Variants in PRKRIP1 observed in about 807,000 individuals in gnomAD.
PRKRIP1 encodes the protein PRKR interacting protein 1.
A neutral mutation model predicts 29.3 loss-of-function variants in PRKRIP1; 29 were observed. That is an observed-to-expected ratio of 0.99 (90% confidence interval 0.74 to 1.35). PRKRIP1 has a LOEUF of 1.35. Ranked by LOEUF, PRKRIP1 falls within the 40% of genes most tolerant of loss-of-function variation. The pLI is 0.00. For missense variants in PRKRIP1, 247 were observed against 236.8 expected (o/e 1.04, Z -0.28); for synonymous variants, 90 against 85.1 (o/e 1.06, Z -0.32).
rs1395892019 is a variant in PRKRIP1 at position 102,407,216 on chromosome 7, CAAA to C, written c.393-206_393-204del. Among the ~76,000 whole-genome samples, 5 of 105,138 alleles carry C rather than the reference CAAA, an allele frequency of 4.8e-5. No homozygotes were observed. In the Admixed American group the frequency reaches 5.2e-4, roughly 11 times the overall value. 69.0% of individuals were successfully genotyped at this position (105,138 alleles called of 152,430 possible). ...GGTGACAGAGTGAGAGAATCCGTCTCAAAAAAAAAAAAAAGAAGATATTCCAGT... is the reference window on the plus strand; with the variant it reads ...GGTGACAGAGTGAGAGAATCCGTCTCAAAAAAAAAAAGAAGATATTCCAGT... On this transcript the variant is annotated intron_variant, in intron 4 of 5. Transcript: ENST00000397912.
chr7:102,420,861 G>A lies in PRKRIP1; in HGVS notation c.458-4153G>A, dbSNP rs191971551. Among the ~76,000 whole-genome samples, 216 of 152,254 alleles carry A rather than the reference G, an allele frequency of 1.4e-3. 1 individual carries two copies. The highest frequency in any genetic ancestry group is 3.4e-3 in the Middle Eastern group (1 of 294). Reference sequence around the variant, plus strand: ...AGATACACAACACGGATTATTCAGTGTCTCCCAGGGACAGAAGACCCTCCC... The same window carrying A: ...AGATACACAACACGGATTATTCAGTATCTCCCAGGGACAGAAGACCCTCCC... On this transcript the variant is annotated intron_variant, in intron 5 of 5. Transcript: ENST00000397912.
chr7:102,419,736 A>G (rs1381665909), intron 5 of PRKRIP1, among the ~76,000 whole-genome samples: 1 of 152,146 alleles, frequency 6.6e-6, no homozygotes, highest in African/African-American at 2.4e-5. Flanking sequence ...TTCCACCGTC[A>G]AGATAGACCA....
Position 102,396,509 on chromosome 7 carries a change from T to A in PRKRIP1, c.98T>A (p.Leu33His). 6.2e-7 allele frequency: 1 copy of A among 1,608,718 alleles called. No individual in the cohort carries two copies. Among genetic ancestry groups the A allele is most frequent in the Non-Finnish European group, 8.5e-7 (1 of 1,178,650 alleles). ...IPKNAAEEQKLKLERLMKNPD... is the reference protein window; with the variant it reads ...IPKNAAEEQKHKLERLMKNPD... The stretch of plus-strand genomic sequence containing the variant: ...AAGAATGCGGCGGAGGAGCAGAAGC[T>A]CAAGCTGGAGCGGCTCATGAAGAAC... The change falls in exon 1 of 6, where the codon CTC becomes CAC. Residue 33 changes from leucine to histidine, a missense_variant. Coordinates refer to ENST00000397912, the MANE Select transcript of PRKRIP1 (RefSeq NM_024653.4).
chr7:102,417,732 C>T (rs12534945), intron 5 of PRKRIP1, among the ~76,000 whole-genome samples: 33,045 of 151,320 alleles, frequency 0.22, 3,691 homozygotes, highest in Middle Eastern at 0.34. Flanking sequence ...ATCCTCTCGC[C>T]TCAGCTTCCT....
rs140075395 is a variant in PRKRIP1 at position 102,404,053 on chromosome 7, G to A, written c.307-545G>A. Among the ~76,000 whole-genome samples, 5 of 152,282 alleles carry A rather than the reference G, an allele frequency of 3.3e-5. No individual in the cohort carries two copies. The East Asian group carries it at 9.6e-4, about 29-fold the overall frequency. On this transcript the variant is annotated intron_variant, in intron 3 of 5. Coordinates refer to ENST00000397912, the MANE Select transcript of PRKRIP1 (RefSeq NM_024653.4). ...TAATGGCATGCACCCATAGTCCCAA[G>A]TACTCAGGAGACTGAGACAGGACGA...
At chr7:102,402,946 C>T (rs190363155) in intron 3 of PRKRIP1, among the ~76,000 whole-genome samples, 294 of 151,938 alleles carry the variant, frequency 1.9e-3, no homozygotes, top group Middle Eastern at 3.4e-3. Flanking sequence ...GTAATCTTGG[C>T]TTGCTGCAGC....
chr7:102,404,465 C>A, intron 3 of PRKRIP1, 133 bp from the exon 4 acceptor site: 1 of 697,736 alleles, frequency 1.4e-6, no homozygotes, highest in Non-Finnish European at 2.6e-6. Flanking sequence ...GTTAAAATGG[C>A]CCTGGGGACC....
chr7:102,402,005 C>T (rs1796086665), intron 3 of PRKRIP1, among the ~76,000 whole-genome samples: 1 of 152,160 alleles, frequency 6.6e-6, no homozygotes, highest in Admixed American at 6.6e-5. Context: ...TTCCTGGCCC[C>T]TGGGTGTTGG....
chr7:102,411,842 ACTAT>A (rs1796392954), intron 5 of PRKRIP1, among the ~76,000 whole-genome samples: 2 of 151,794 alleles, frequency 1.3e-5, no homozygotes, highest in African/African-American at 2.4e-5. Context: ...TTTTTAGGTA[ACTAT>A]CCTAATGGGT....
chr7:102,396,624 C>T (rs763800106), intron 1 of PRKRIP1, 87 bp downstream of exon 1: 287 of 1,424,134 alleles, frequency 2.0e-4, no homozygotes, highest in Non-Finnish European at 2.6e-4. Flanking sequence ...TCCACCTTCC[C>T]CGCCTCCAAA....
intron 5 of PRKRIP1, among the ~76,000 whole-genome samples, chr7:102,423,880 T>C (rs1164391320): frequency 1.3e-5 from 2 of 152,142 alleles, no homozygotes; most frequent in African/African-American, 4.8e-5. Context: ...CAGGCTTGTC[T>C]TGAACTCCTG....
At chr7:102,418,760 A>G in intron 5 of PRKRIP1, among the ~76,000 whole-genome samples, 1 of 152,176 alleles carries the variant, frequency 6.6e-6, no homozygotes, top group East Asian at 1.9e-4. Context: ...AAGCACCATT[A>G]TCAACTAGAG....
At chr7:102,401,923 G>T (rs1796084979) in intron 3 of PRKRIP1, among the ~76,000 whole-genome samples, 1 of 152,088 alleles carries the variant, frequency 6.6e-6, no homozygotes, top group South Asian at 2.1e-4. Context: ...AAGAAAAAAT[G>T]TCCTGCTCTG....
intron 5 of PRKRIP1, among the ~76,000 whole-genome samples, chr7:102,417,620 C>CTTTT (rs1276644958): frequency 6.3e-5 from 8 of 127,394 alleles, no homozygotes; most frequent in African/African-American, 1.5e-4. Flanking sequence ...TTGTGGGTAC[C>CTTTT]TTTTTTTTTT....
intron 5 of PRKRIP1, among the ~76,000 whole-genome samples, chr7:102,416,115 C>T (rs951990152): frequency 6.6e-6 from 1 of 152,254 alleles, no homozygotes; most frequent in Non-Finnish European, 1.5e-5. Context: ...GCCTTTCCTG[C>T]CAGCCTGCCC....
intron 5 of PRKRIP1, among the ~76,000 whole-genome samples, chr7:102,411,750 C>T (rs150643750): frequency 6.6e-6 from 1 of 151,630 alleles, no homozygotes; most frequent in African/African-American, 2.4e-5. Context: ...CATTTTAACG[C>T]CCACCAGTGC....
At chr7:102,401,769 G>T (rs1237057643) in intron 3 of PRKRIP1, among the ~76,000 whole-genome samples, 1 of 152,034 alleles carries the variant, frequency 6.6e-6, no homozygotes, top group African/African-American at 2.4e-5. Flanking sequence ...CAGGCGCAGT[G>T]GTGCACACCT....
intron 3 of PRKRIP1, among the ~76,000 whole-genome samples, chr7:102,403,665 T>C (rs573058759): frequency 4.1e-4 from 63 of 152,306 alleles, no homozygotes; most frequent in African/African-American, 1.5e-3. Context: ...GCATGAGCCA[T>C]TGTGCCCAAA....
intron 5 of PRKRIP1, among the ~76,000 whole-genome samples, chr7:102,419,473 T>C (rs1796634746): frequency 6.6e-6 from 1 of 152,186 alleles, no homozygotes; most frequent in African/African-American, 2.4e-5. Context: ...GTGGATTTTG[T>C]CAAACGCATA....
Sources: gnomAD v4.1 joint callset for allele counts (sites outside exome capture counted in the v4.1 genomes callset) on GRCh38, gnomAD v4.1.1 for gene constraint, MANE v1.5 for transcripts, NCBI Gene and HGNC (gene_info 2026-07-23, HGNC 2026-07-21) for gene names.